The following PTPRO variants were observed in gnomAD, a reference collection of about 807,000 sequenced individuals.
PTPRO encodes the protein protein tyrosine phosphatase receptor type O.
A neutral mutation model predicts 145.2 loss-of-function variants in PTPRO; 62 were observed. The observed-to-expected ratio is 0.43, with a 90% CI of 0.35 to 0.53. The LOEUF (loss-of-function observed/expected upper bound fraction) is 0.53, where lower values mean the gene tolerates loss of function less well. Ranked by LOEUF, PTPRO falls within the 20% of genes least tolerant of loss-of-function variation. The pLI is 0.01. For missense variants in PTPRO, 1,345 were observed against 1,482.7 expected, an observed-to-expected ratio of 0.91 and a Z score of 1.53; for synonymous variants, 565 against 514.7, an observed-to-expected ratio of 1.10 and a Z score of -1.32.
chr12:15,386,413 A>G (rs1413571206), intron 1 of PTPRO, among the ~76,000 whole-genome samples: 2 of 152,194 alleles, frequency 1.3e-5, no homozygotes, highest in Non-Finnish European at 2.9e-5. Context: ...AACCAGTAGA[A>G]TACAACTGAC....
intron 1 of PTPRO, among the ~76,000 whole-genome samples, chr12:15,393,930 A>T (rs1281184309): frequency 2.0e-5 from 3 of 152,216 alleles, no homozygotes; most frequent in Non-Finnish European, 4.4e-5. Flanking sequence ...GAGGCTATGC[A>T]GGGCATCACA....
intron 12 of PTPRO, among the ~76,000 whole-genome samples, chr12:15,527,029 T>G (rs1942854236): frequency 6.6e-6 from 1 of 152,156 alleles, no homozygotes; most frequent in South Asian, 2.1e-4. Context: ...ATGGAAATAA[T>G]TTTAATTAAA....
At chr12:15,544,759 T>C (rs1264126168) in intron 12 of PTPRO, among the ~76,000 whole-genome samples, 1 of 152,170 alleles carries the variant, frequency 6.6e-6, no homozygotes, top group Admixed American at 6.5e-5. Context: ...CATAATCCTA[T>C]TAGCAAAGGC....
intron 26 of PTPRO, chr12:15,595,434 A>G (rs1458433365): frequency 1.2e-5 from 3 of 255,572 alleles, no homozygotes; most frequent in Non-Finnish European, 2.3e-5. Context: ...CAAGGGCTGT[A>G]TACGGGGTTA....
intron 1 of PTPRO, among the ~76,000 whole-genome samples, chr12:15,452,061 T>G (rs557356561): frequency 1.1e-4 from 17 of 152,056 alleles, no homozygotes; most frequent in Non-Finnish European, 2.4e-4. Context: ...AAAAACTGGT[T>G]CTTTGAAAGG....
intron 1 of PTPRO, among the ~76,000 whole-genome samples, chr12:15,456,708 A>C (rs13328934): frequency 6.6e-6 from 1 of 152,116 alleles, no homozygotes; most frequent in African/African-American, 2.4e-5. Flanking sequence ...TATGTTCCTA[A>C]AAATACAGCC....
intron 1 of PTPRO, among the ~76,000 whole-genome samples, chr12:15,444,408 G>T (rs1237579333): frequency 3.3e-5 from 5 of 151,918 alleles, no homozygotes; most frequent in Non-Finnish European, 7.4e-5. Context: ...TAGGTAATGG[G>T]ATCATTTGTA....
At chr12:15,582,990 T>C (rs780264460) in intron 23 of PTPRO, among the ~76,000 whole-genome samples, 7 of 152,226 alleles carry the variant, frequency 4.6e-5, no homozygotes, top group Non-Finnish European at 8.8e-5. Flanking sequence ...TTACTATTAA[T>C]AGTCTTCTCC....
chr12:15,494,450 GAA>G (rs1015652376), intron 2 of PTPRO, among the ~76,000 whole-genome samples: 2 of 152,114 alleles, frequency 1.3e-5, no homozygotes, highest in African/African-American at 4.8e-5. Context: ...TTTCTAAAAA[GAA>G]AGACAATGAG....
At chr12:15,502,730 T>G (rs765137685) in intron 5 of PTPRO, among the ~76,000 whole-genome samples, 3 of 152,226 alleles carry the variant, frequency 2.0e-5, no homozygotes, top group Non-Finnish European at 4.4e-5. Flanking sequence ...AGCCATGACT[T>G]TCAACAAGTT....
chr12:15,587,203 T>C (rs543779890), intron 24 of PTPRO, 152 bp downstream of exon 24: 1 of 836,868 alleles, frequency 1.2e-6, no homozygotes, highest in South Asian at 1.6e-5. Flanking sequence ...TCTCACTATA[T>C]ACAATGTTTA....
At chr12:15,417,213 G>T (rs59912437) in intron 1 of PTPRO, among the ~76,000 whole-genome samples, 5,434 of 151,536 alleles carry the variant, frequency 0.036, 488 homozygotes, top group East Asian at 0.18. Flanking sequence ...TGGACATACA[G>T]CCTGATAAAC....
chr12:15,403,963 C>G (rs1303023006), intron 1 of PTPRO, among the ~76,000 whole-genome samples: 1 of 151,808 alleles, frequency 6.6e-6, no homozygotes, highest in Non-Finnish European at 1.5e-5. Context: ...TTTGGGAGGC[C>G]AAGGCGGGCA....
chr12:15,571,435 C>A (rs1023812918), intron 19 of PTPRO, among the ~76,000 whole-genome samples: 5 of 152,154 alleles, frequency 3.3e-5, no homozygotes, highest in African/African-American at 1.2e-4. Context: ...CTACAGTTGC[C>A]CACCACCATG....
chr12:15,350,331 C>T (rs886227188), intron 1 of PTPRO, among the ~76,000 whole-genome samples: 5 of 152,076 alleles, frequency 3.3e-5, no homozygotes, highest in Admixed American at 3.3e-4. Flanking sequence ...AACCTTGTTC[C>T]CGTGGAAGAC....
intron 1 of PTPRO, among the ~76,000 whole-genome samples, chr12:15,396,300 C>G (rs888102446): frequency 6.6e-6 from 1 of 152,118 alleles, no homozygotes; most frequent in African/African-American, 2.4e-5. Context: ...AAGTGCTGAA[C>G]TCAATTGTGT....
chr12:15,465,605 A>T (rs1303186182), intron 1 of PTPRO, among the ~76,000 whole-genome samples: 1 of 152,218 alleles, frequency 6.6e-6, no homozygotes, highest in Non-Finnish European at 1.5e-5. Context: ...AAAGAAATCG[A>T]TTCTTTCTGG....
intron 1 of PTPRO, among the ~76,000 whole-genome samples, chr12:15,447,183 A>G (rs1269716602): frequency 6.6e-6 from 1 of 152,168 alleles, no homozygotes; most frequent in African/African-American, 2.4e-5. Flanking sequence ...TGACAAGTGA[A>G]ATAGAATAAC....
chr12:15,486,907 A>G (rs891194508), intron 2 of PTPRO, among the ~76,000 whole-genome samples: 1 of 152,092 alleles, frequency 6.6e-6, no homozygotes. Flanking sequence ...GTCAGGTAGA[A>G]CAGGGAGTGA....
Sources: gnomAD v4.1 joint callset for allele counts (sites outside exome capture counted in the v4.1 genomes callset) on GRCh38, gnomAD v4.1.1 for gene constraint, MANE v1.5 for transcripts, NCBI Gene and HGNC (gene_info 2026-07-23, HGNC 2026-07-21) for gene names.